The following MYEF2 variants were observed in gnomAD, a reference collection of about 807,000 sequenced individuals.
MYEF2 encodes myelin gene expression factor 2.
Under a neutral mutation model 75.2 loss-of-function variants are expected in MYEF2, and 37 were observed. The ratio of observed to expected loss-of-function variants is 0.49; its 90% CI spans 0.38 to 0.65. MYEF2 has a LOEUF of 0.65. Ranked by LOEUF, MYEF2 falls within the 30% of genes least tolerant of loss-of-function variation. MYEF2 has a pLI of 0.00. For missense variants in MYEF2, 634 were observed against 771.4 expected (o/e 0.82, Z 2.11); for synonymous variants, 195 against 241.6 (o/e 0.81, Z 1.79).
In MYEF2 at chr15:48,142,683, C is replaced by A; in HGVS notation, c.*225G>T. On this transcript the variant is annotated 3_prime_UTR_variant, in exon 17 of 17. Transcript: ENST00000324324. ...GCTTATTTCATTAAAAACAGTATAA[C>A]CATTCATTTAAACTGAATGACCAGA... 2.0e-6 allele frequency: 1 copy of A among 492,072 alleles called. No individual in the cohort carries two copies. Among genetic ancestry groups the A allele is most frequent in the Non-Finnish European group, 3.5e-6 (1 of 285,760 alleles). 30.5% of individuals were successfully genotyped at this position (492,072 alleles called of 1,614,324 possible).
At chr15:48,152,386 C>T in intron 10 of MYEF2, 102 bp from the exon 11 acceptor site, 1 of 939,210 alleles carries the variant, frequency 1.1e-6, no homozygotes, top group Non-Finnish European at 1.7e-6. Context: ...GGTATAACCA[C>T]AATGAAACAC....
chr15:48,145,065 A>C (rs183172780), intron 16 of MYEF2, among the ~76,000 whole-genome samples: 1 of 151,908 alleles, frequency 6.6e-6, no homozygotes, highest in Admixed American at 6.6e-5. Flanking sequence ...AGAAATCAGC[A>C]CTCAGACCTC....
intron 11 of MYEF2, 124 bp from the exon 12 acceptor site, chr15:48,152,066 A>G: frequency 8.7e-7 from 1 of 1,156,050 alleles, no homozygotes; most frequent in East Asian, 2.4e-5. Flanking sequence ...CTACTTCTTA[A>G]CACATCACCT....
chr15:48,158,339 A>C, intron 7 of MYEF2, 115 bp from the exon 8 acceptor site: 1 of 927,382 alleles, frequency 1.1e-6, no homozygotes, highest in Non-Finnish European at 1.6e-6. Flanking sequence ...TAACATCTTT[A>C]ATACTTATTG....
At chr15:48,163,039 A>G (rs1198159483) in intron 5 of MYEF2, 1 of 152,226 alleles carries the variant, frequency 6.6e-6, no homozygotes, top group Non-Finnish European at 1.5e-5. Flanking sequence ...AAGGCATGTC[A>G]AAAGTTCAGA....
Position 48,168,780 on chromosome 15 carries a change from C to A in MYEF2, c.221G>T (p.Ser74Ile), listed in dbSNP as rs751571503. 1.9e-6 allele frequency: 3 copies of A among 1,613,656 alleles called. No homozygotes were observed. Among genetic ancestry groups the A allele is most frequent in the African/African-American group, 2.7e-5 (2 of 74,892 alleles). The change falls in exon 2 of 17, where the codon AGT becomes ATT. Residue 74 changes from serine to isoleucine, a missense_variant. Transcript: ENST00000324324. ...AGGATGAAATCTATTGGCCTTCTTACTTCCTGTAGATTTTTCCTTTAAGTC... is the reference window on the plus strand; with the variant it reads ...AGGATGAAATCTATTGGCCTTCTTAATTCCTGTAGATTTTTCCTTTAAGTC... ...KSDLKEKSTG[S>I]KKANRFHPYS...
Position 48,137,924 on chromosome 15 carries a change from A to C in MYEF2, c.*4984T>G, listed in dbSNP as rs928098592. ...ATAAGTTCATGGGTTACCTTTTTAT[A>C]AAGTGGTTGTCCAAAACAGATTCTA... is the stretch of plus-strand genomic sequence containing the variant. On this transcript the variant is annotated 3_prime_UTR_variant, in exon 17 of 17. Transcript: ENST00000324324. 2.0e-5 allele frequency: 3 copies of C among 152,076 alleles called. No individual in the cohort carries two copies. The highest frequency in any genetic ancestry group is 1.5e-5 in the Non-Finnish European group (1 of 67,982). 9.4% of individuals were successfully genotyped at this position (152,076 alleles called of 1,614,324 possible).
At chr15:48,160,198 G>T (rs1441713647) in intron 5 of MYEF2, among the ~76,000 whole-genome samples, 1 of 152,066 alleles carries the variant, frequency 6.6e-6, no homozygotes, top group Non-Finnish European at 1.5e-5. Context: ...GCCAAATTCA[G>T]ACTAATTCAA....
Position 48,152,296 on chromosome 15 carries a change from T to C in MYEF2, c.1088-12A>G. 1 of 1,599,958 alleles carries C rather than the reference T, an allele frequency of 6.3e-7. No homozygotes were observed. The highest frequency in any genetic ancestry group is 8.6e-7 in the Non-Finnish European group (1 of 1,168,576). On this transcript the variant is annotated splice_polypyrimidine_tract_variant and intron_variant, in intron 10 of 16. Coordinates refer to ENST00000324324, the MANE Select transcript of MYEF2 (RefSeq NM_016132.5). Reference sequence around the variant, plus strand: ...ATCCATTCCCATACCTCAAATAAAATACACAGTATGTACTTTAAGTATATT... The same window carrying C: ...ATCCATTCCCATACCTCAAATAAAACACACAGTATGTACTTTAAGTATATT...
At chr15:48,148,996 C>G (rs2039391736) in intron 16 of MYEF2, 36 bp downstream of exon 16, 1 of 1,606,888 alleles carries the variant, frequency 6.2e-7, no homozygotes, top group Non-Finnish European at 8.5e-7. Context: ...CCTCCATAAT[C>G]AATATCAACA....
At chr15:48,168,090 T>C (rs934337508) in intron 2 of MYEF2, among the ~76,000 whole-genome samples, 1 of 151,992 alleles carries the variant, frequency 6.6e-6, no homozygotes, top group African/African-American at 2.4e-5. Flanking sequence ...CAACCATGTA[T>C]ATAAGATGAA....
At chr15:48,152,493 T>A (rs1047877087) in intron 10 of MYEF2, 8 of 456,390 alleles carry the variant, frequency 1.8e-5, no homozygotes, top group Non-Finnish European at 2.7e-5. Flanking sequence ...TGAACATTTA[T>A]CAGACAAGAA....
rs1477207669 is a variant in MYEF2 at position 48,149,092 on chromosome 15, A to G, written c.1588-9T>C. ...GTCAAGTCAAAAGGTAGCTAGAATG[A>G]AAAGAGGTATTAGTAACATATATAC... On this transcript the variant is annotated splice_polypyrimidine_tract_variant and intron_variant, in intron 15 of 16. Coordinates refer to ENST00000324324, the MANE Select transcript of MYEF2 (RefSeq NM_016132.5). This position sits in a 1 kb window ranked among gnomAD's most constrained non-coding sequence, Gnocchi z 4.0. The G allele has an allele frequency of 6.2e-7, 1 of 1,613,230 alleles. No individual in the cohort carries two copies. Among genetic ancestry groups the G allele is most frequent in the South Asian group, 1.1e-5 (1 of 91,058 alleles).
intron 1 of MYEF2, among the ~76,000 whole-genome samples, chr15:48,170,749 C>T (rs1387611118): frequency 6.6e-6 from 1 of 152,134 alleles, no homozygotes; most frequent in Non-Finnish European, 1.5e-5. Context: ...GTAACACAGC[C>T]ATAAATATAG....
At position 48,168,786 on chromosome 15, in the gene MYEF2, G is replaced by A. The variant is rs201642748; in HGVS notation, c.215C>T (p.Thr72Ile). 6.2e-7 allele frequency: 1 copy of A among 1,613,564 alleles called. No individual in the cohort carries two copies. Among genetic ancestry groups the A allele is most frequent in the Non-Finnish European group, 8.5e-7 (1 of 1,179,746 alleles). Reference sequence around the variant, plus strand: ...AAATCTATTGGCCTTCTTACTTCCTGTAGATTTTTCCTTTAAGTCAGATTT... The same window carrying A: ...AAATCTATTGGCCTTCTTACTTCCTATAGATTTTTCCTTTAAGTCAGATTT... ...EEKSDLKEKSTGSKKANRFHP... is the reference protein window; with the variant it reads ...EEKSDLKEKSIGSKKANRFHP... Residue 72 changes from threonine to isoleucine, a missense_variant, in exon 2 of 17, where the codon ACA becomes ATA. Coordinates refer to ENST00000324324, the MANE Select transcript of MYEF2 (RefSeq NM_016132.5).
chr15:48,139,014 T>C lies in MYEF2; in HGVS notation c.*3894A>G. 6.2e-7 allele frequency: 1 copy of C among 1,612,994 alleles called. No homozygotes were observed. The highest frequency in any genetic ancestry group is 8.5e-7 in the Non-Finnish European group (1 of 1,179,272). ...ATGCCTGAAGCAGACTTAAAAAGAA[T>C]TTTTTGGGTATTATCCCTTCCTATT... On this transcript the variant is annotated 3_prime_UTR_variant, in exon 17 of 17. Transcript: ENST00000324324.
intron 1 of MYEF2, among the ~76,000 whole-genome samples, chr15:48,172,367 A>C (rs1320828451): frequency 6.9e-6 from 1 of 145,252 alleles, no homozygotes; most frequent in African/African-American, 2.5e-5. Context: ...ACCATTGCAC[A>C]TTTTTTTTTT....
At chr15:48,170,799 A>G (rs1053426599) in intron 1 of MYEF2, among the ~76,000 whole-genome samples, 4 of 152,346 alleles carry the variant, frequency 2.6e-5, no homozygotes. Flanking sequence ...CTGCTTTGGT[A>G]TCAGCAGCAC....
chr15:48,153,753 G>A, intron 10 of MYEF2, 39 bp downstream of exon 10: 1 of 1,509,656 alleles, frequency 6.6e-7, no homozygotes, highest in Non-Finnish European at 9.2e-7. Context: ...GCTAGCATAT[G>A]TATCATTTAA....
Sources: allele counts gnomAD v4.1 joint callset (sites outside exome capture counted in the v4.1 genomes callset), GRCh38; gene constraint gnomAD v4.1.1; non-coding constraint Gnocchi (gnomAD v3.1); transcripts MANE v1.5; gene names NCBI Gene and HGNC (gene_info 2026-07-23, HGNC 2026-07-21).